CELF2: variants seen among roughly 807,000 people sequenced by gnomAD.
The protein encoded by CELF2 is CUGBP Elav-like family member 2, also known as CUG triplet repeat RNA-binding protein 2.
In CELF2, 8 loss-of-function variants were observed where a neutral mutation model predicts 62.6. That is an observed-to-expected ratio of 0.13 (90% CI 0.07 to 0.23). CELF2 has a LOEUF of 0.23. Ranked by LOEUF, CELF2 falls within the 10% of genes least tolerant of loss-of-function variation. CELF2 has a pLI of 1.00. For synonymous variants in CELF2, 258 were observed against 250.0 expected (o/e 1.03, Z -0.30); for missense variants, 333 against 671.0 (o/e 0.50, Z 5.56).
rs1335629684 is a variant in CELF2 at position 10,931,166 on chromosome 10, T to C, written c.89+11167T>C. 6.6e-6 allele frequency among the ~76,000 whole-genome samples: 1 copy of C among 152,242 alleles called. No individual in the cohort carries two copies. Among genetic ancestry groups the C allele is most frequent in the African/African-American group, 2.4e-5 (1 of 41,466 alleles). On this transcript the variant is annotated intron_variant, in intron 2 of 13. Coordinates refer to the CELF2 transcript ENST00000636488. The surrounding 1 kb of genome is among the most constrained non-coding windows in gnomAD (Gnocchi z 6.1). ...TATGTATTTTCCTTTTCCTTCTTTC[T>C]GGCGAATACGCAGTTTTCCTTTTGG...
At chr10:10,760,820 G>A in the CELF2 span, among the ~76,000 whole-genome samples, 4 of 152,108 alleles carry the variant, frequency 2.6e-5, no homozygotes, top group African/African-American at 9.7e-5. Context: ...GAGGAACTGA[G>A]AAAAAACTCC....
At chr10:11,155,806 G>A (rs956918691) in intron 1 of CELF2, among the ~76,000 whole-genome samples, 4 of 152,114 alleles carry the variant, frequency 2.6e-5, no homozygotes, top group South Asian at 4.1e-4. Flanking sequence ...TCTCAAGTGC[G>A]TTCACATCCA....
chr10:10,746,757 C>A, the CELF2 span, among the ~76,000 whole-genome samples: 16 of 152,126 alleles, frequency 1.1e-4, no homozygotes, highest in African/African-American at 3.9e-4. Context: ...ATAATAAAAT[C>A]ATTATGCTTT....
At chr10:11,062,597 G>A (rs546931298) in intron 1 of CELF2, among the ~76,000 whole-genome samples, 12 of 152,268 alleles carry the variant, frequency 7.9e-5, no homozygotes, top group Admixed American at 3.3e-4. Context: ...GAGGTGGAGC[G>A]TGGAGATGGG....
chr10:11,190,590 A>G (rs1007733998), intron 2 of CELF2, among the ~76,000 whole-genome samples: 14 of 151,774 alleles, frequency 9.2e-5, no homozygotes, highest in Non-Finnish European at 1.9e-4. Context: ...TCCCAGTAGG[A>G]AAGATTCTCA....
the CELF2 span, among the ~76,000 whole-genome samples, chr10:10,626,618 G>C: frequency 2.0e-5 from 3 of 152,088 alleles, no homozygotes; most frequent in African/African-American, 7.2e-5. Flanking sequence ...TTTAGAGCTT[G>C]ATATTTAATA....
chr10:11,226,733 A>G (rs1259071124), intron 3 of CELF2, among the ~76,000 whole-genome samples: 2 of 152,174 alleles, frequency 1.3e-5, no homozygotes, highest in East Asian at 1.9e-4. Flanking sequence ...CAGGTCCTGA[A>G]AAACATTCAG....
Position 11,135,534 on chromosome 10 carries a change from A to G in CELF2, c.75-29952A>G, listed in dbSNP as rs185435527. On this transcript the variant is annotated intron_variant, in intron 1 of 12. Transcript: ENST00000633077. Reference sequence around the variant, plus strand: ...AATTAAAGCAATTGTATCAATGCCTATGAAATATGCTACAGGAAAGACCCT... The same window carrying G: ...AATTAAAGCAATTGTATCAATGCCTGTGAAATATGCTACAGGAAAGACCCT... Among the ~76,000 whole-genome samples, 6 of 152,372 alleles carry G rather than the reference A, an allele frequency of 3.9e-5. No individual in the cohort carries two copies. In the East Asian group the frequency reaches 9.6e-4, roughly 24 times the overall value.
Position 11,178,052 on chromosome 10 carries a change from T to C in CELF2, c.271+12370T>C, listed in dbSNP as rs1041092088. Among the ~76,000 whole-genome samples the C allele has an allele frequency of 1.3e-5, 2 of 151,922 alleles. No individual in the cohort carries two copies. The highest frequency in any genetic ancestry group is 4.2e-4 in the South Asian group (2 of 4,810). On this transcript the variant is annotated intron_variant, in intron 2 of 12. Coordinates refer to ENST00000633077, the MANE Select transcript of CELF2 (RefSeq NM_001326342.2). The surrounding 1 kb of genome is among the most constrained non-coding windows in gnomAD (Gnocchi z 4.3). ...AGGGTTTCAGGTGTTTGCAAAGAGG[T>C]CAGATCCCTACACATGAAACGCTGC...
intron 2 of CELF2, among the ~76,000 whole-genome samples, chr10:10,930,251 T>C (rs966077451): frequency 1.3e-5 from 2 of 152,188 alleles, no homozygotes; most frequent in African/African-American, 4.8e-5. Context: ...AAATTTTAAA[T>C]GGAACATGAT....
intron 1 of CELF2, among the ~76,000 whole-genome samples, chr10:10,866,021 C>G (rs1160904343): frequency 6.6e-6 from 1 of 152,022 alleles, no homozygotes; most frequent in Admixed American, 6.5e-5. Context: ...GGGGTAGATT[C>G]CTGGTCCTCG....
intron 1 of CELF2, among the ~76,000 whole-genome samples, chr10:10,858,806 A>G (rs1191457144): frequency 6.6e-6 from 1 of 152,216 alleles, no homozygotes; most frequent in Non-Finnish European, 1.5e-5. Flanking sequence ...AAAACATTTA[A>G]ATAACATTAT....
Position 11,321,332 on chromosome 10 carries a change from C to G in CELF2, c.1240C>G (p.Leu414Val). 6.2e-7 allele frequency: 1 copy of G among 1,612,132 alleles called. No individual in the cohort carries two copies. The highest frequency in any genetic ancestry group is 8.5e-7 in the Non-Finnish European group (1 of 1,180,012). ...GTACGCAGCCGCCGCGCTGCCCACTCTGTACAGCCAGAGCCTGCTGCAGCA... is the reference window on the plus strand; with the variant it reads ...GTACGCAGCCGCCGCGCTGCCCACTGTGTACAGCCAGAGCCTGCTGCAGCA... ...QQYAAAALPT[L>V]YSQSLLQQQS... is the part of the protein sequence containing the mutation. Residue 414 changes from leucine to valine, a missense_variant, in exon 11 of 13, where the codon CTG becomes GTG. By Grantham distance (32) the Leu-to-Val change is conservative (BLOSUM62 1). Transcript: ENST00000633077. This position sits in a 1 kb window ranked among gnomAD's most constrained non-coding sequence, Gnocchi z 6.2.
intron 2 of CELF2, among the ~76,000 whole-genome samples, chr10:11,000,171 T>G (rs1008345346): frequency 2.2e-4 from 34 of 152,174 alleles, no homozygotes; most frequent in African/African-American, 7.7e-4. Flanking sequence ...GTTTGTTTGT[T>G]TGTTTTTTTA....
At chr10:11,052,194 C>T (rs1248851969) in intron 1 of CELF2, among the ~76,000 whole-genome samples, 1 of 152,106 alleles carries the variant, frequency 6.6e-6, no homozygotes, top group East Asian at 1.9e-4. Flanking sequence ...TCTCGGCCTC[C>T]CAAAGTGTGG....
intron 8 of CELF2, among the ~76,000 whole-genome samples, chr10:11,283,859 G>T (rs1300332382): frequency 1.3e-5 from 2 of 151,406 alleles, no homozygotes; most frequent in Non-Finnish European, 2.9e-5. Flanking sequence ...GGATGAGTGT[G>T]TGGTGGGTGG....
At chr10:11,199,739 T>C (rs1472917699) in intron 2 of CELF2, among the ~76,000 whole-genome samples, 1 of 152,234 alleles carries the variant, frequency 6.6e-6, no homozygotes, top group East Asian at 1.9e-4. Context: ...ATTAAGAATT[T>C]TTTTTATTCT....
chr10:10,831,186 G>A (rs1166183580), intron 1 of CELF2, among the ~76,000 whole-genome samples: 1 of 152,212 alleles, frequency 6.6e-6, no homozygotes, highest in Non-Finnish European at 1.5e-5. Flanking sequence ...CGCACTTCAA[G>A]TACGTTAGCA....
chr10:11,069,984 C>T (rs1476316333), intron 1 of CELF2, among the ~76,000 whole-genome samples: 1 of 152,164 alleles, frequency 6.6e-6, no homozygotes, highest in Non-Finnish European at 1.5e-5. Context: ...AGGAAGTTAC[C>T]TGTTTTGAGT....
Sources: allele counts gnomAD v4.1 joint callset (sites outside exome capture counted in the v4.1 genomes callset), GRCh38; gene constraint gnomAD v4.1.1; non-coding constraint Gnocchi (gnomAD v3.1); transcripts MANE v1.5; gene names NCBI Gene and HGNC (gene_info 2026-07-23, HGNC 2026-07-21).